Variants in MACROD2 observed in about 807,000 individuals in gnomAD.
The protein encoded by MACROD2 is mono-ADP ribosylhydrolase 2, also known as ADP-ribose glycohydrolase MACROD2.
A neutral mutation model predicts 70.4 loss-of-function variants in MACROD2; 36 were observed. The ratio of observed to expected loss-of-function variants is 0.51; its 90% confidence interval spans 0.39 to 0.68. MACROD2 has a LOEUF of 0.68. MACROD2 is among the 30% of genes least tolerant of loss of function. The pLI, the probability that MACROD2 is intolerant of heterozygous loss-of-function variation, is 0.00. For missense variants in MACROD2, 496 were observed against 538.4 expected, an observed-to-expected ratio of 0.92 and a Z score of 0.78; for synonymous variants, 172 against 178.8, an observed-to-expected ratio of 0.96 and a Z score of 0.30.
intron 5 of MACROD2, among the ~76,000 whole-genome samples, chr20:14,868,408 C>A (rs1391790783): frequency 6.6e-6 from 1 of 151,912 alleles, no homozygotes; most frequent in African/African-American, 2.4e-5. Context: ...TCAAATGATT[C>A]TCTCACCTTG....
chr20:15,761,960 G>A (rs2051442931), intron 8 of MACROD2, among the ~76,000 whole-genome samples: 1 of 152,146 alleles, frequency 6.6e-6, no homozygotes, highest in African/African-American at 2.4e-5. Context: ...TGTGGGACAG[G>A]AATGATGCCC....
chr20:16,028,244 G>T (rs1349103366), intron 15 of MACROD2, among the ~76,000 whole-genome samples: 1 of 152,224 alleles, frequency 6.6e-6, no homozygotes, highest in African/African-American at 2.4e-5. Context: ...TGGTTCATAT[G>T]ACAGTGCTTG....
chr20:14,012,857 A>G (rs185809230), intron 2 of MACROD2, among the ~76,000 whole-genome samples: 1 of 152,200 alleles, frequency 6.6e-6, no homozygotes, highest in African/African-American at 2.4e-5. Flanking sequence ...CGCAATAGCA[A>G]TAGAAGGTGG....
chr20:14,461,418 T>C (rs35912921), intron 3 of MACROD2, among the ~76,000 whole-genome samples: 22,608 of 151,742 alleles, frequency 0.15, 2,367 homozygotes, highest in Non-Finnish European at 0.21. Flanking sequence ...TTTCTTGTCT[T>C]TCTCTCCTTC....
At chr20:14,822,581 A>AT (rs919182607) in intron 5 of MACROD2, among the ~76,000 whole-genome samples, 8 of 152,024 alleles carry the variant, frequency 5.3e-5, no homozygotes, top group Admixed American at 3.9e-4. Flanking sequence ...AACTTTGGCT[A>AT]TTTCCTGGTA....
At chr20:14,666,343 G>A (rs559208031) in intron 4 of MACROD2, among the ~76,000 whole-genome samples, 3 of 152,252 alleles carry the variant, frequency 2.0e-5, no homozygotes, top group African/African-American at 7.2e-5. Flanking sequence ...TTTCTTCAAA[G>A]AGAGCATATT....
chr20:14,791,526 A>AT (rs1296425249), intron 5 of MACROD2, among the ~76,000 whole-genome samples: 8 of 151,888 alleles, frequency 5.3e-5, no homozygotes, highest in East Asian at 1.9e-4. Context: ...GGATATATAT[A>AT]TTTTTTTCTC....
chr20:14,235,002 G>T (rs2122217279), intron 3 of MACROD2, among the ~76,000 whole-genome samples: 1 of 152,034 alleles, frequency 6.6e-6, no homozygotes, highest in East Asian at 1.9e-4. Context: ...TACTCTTCAG[G>T]TTCTTTTTTA....
intron 5 of MACROD2, among the ~76,000 whole-genome samples, chr20:14,741,189 G>A (rs965493703): frequency 1.3e-5 from 2 of 151,980 alleles, no homozygotes; most frequent in Admixed American, 6.6e-5. Flanking sequence ...TATTTTTATC[G>A]ATATTCACAC....
intron 8 of MACROD2, among the ~76,000 whole-genome samples, chr20:15,527,272 C>T (rs2047734796): frequency 6.6e-6 from 1 of 152,146 alleles, no homozygotes; most frequent in Non-Finnish European, 1.5e-5. Flanking sequence ...AGGCTCCTTA[C>T]TCATTTTTTC....
chr20:15,283,560 T>C (rs2077465016), intron 6 of MACROD2, among the ~76,000 whole-genome samples: 1 of 152,028 alleles, frequency 6.6e-6, no homozygotes, highest in Non-Finnish European at 1.5e-5. Flanking sequence ...TAATCCCAGC[T>C]ACTCAAGAGG....
chr20:15,799,690 G>A (rs79835121), intron 8 of MACROD2, among the ~76,000 whole-genome samples: 1,900 of 152,084 alleles, frequency 0.012, 44 homozygotes, highest in African/African-American at 0.044. Flanking sequence ...CCATTCATTC[G>A]TTAATGGACA....
At chr20:15,669,730 A>G (rs572927347) in intron 8 of MACROD2, among the ~76,000 whole-genome samples, 33 of 152,350 alleles carry the variant, frequency 2.2e-4, no homozygotes, top group Admixed American at 1.8e-3. Context: ...TTTATTTGCC[A>G]AAGCCGAGGT....
intron 5 of MACROD2, among the ~76,000 whole-genome samples, chr20:14,967,539 T>C (rs2074649975): frequency 6.6e-6 from 1 of 152,194 alleles, no homozygotes; most frequent in Non-Finnish European, 1.5e-5. Context: ...ATATAGACTG[T>C]GAATATTATT....
At chr20:14,840,238 A>C (rs2073073275) in intron 5 of MACROD2, among the ~76,000 whole-genome samples, 1 of 152,056 alleles carries the variant, frequency 6.6e-6, no homozygotes, top group Non-Finnish European at 1.5e-5. Context: ...GGGTTTCGCC[A>C]TGTTGGCCAG....
intron 5 of MACROD2, among the ~76,000 whole-genome samples, chr20:15,050,574 C>T (rs1252334835): frequency 3.0e-5 from 3 of 99,284 alleles, no homozygotes; most frequent in Non-Finnish European, 1.8e-5. Flanking sequence ...TGGAGTCTTG[C>T]TCCGTTGCCC....
At position 14,953,010 on chromosome 20, in the gene MACROD2, GC is replaced by G. The variant is rs2074487750; in HGVS notation, c.418+268052del. ...AAGAAAAGAGGGAGAAATTGAATAT[GC>G]TTTTTACAAGGAGAAGACACAGTAT... On this transcript the variant is annotated intron_variant, in intron 5 of 17. Coordinates refer to ENST00000684519, the MANE Select transcript of MACROD2 (RefSeq NM_001351661.2). Among the ~76,000 whole-genome samples, 3 of 151,958 alleles carry G rather than the reference GC, an allele frequency of 2.0e-5. No homozygotes were observed. In the South Asian group the frequency reaches 6.2e-4, roughly 32 times the overall value.
chr20:15,366,482 A>T (rs781036397), intron 6 of MACROD2, among the ~76,000 whole-genome samples: 7 of 152,202 alleles, frequency 4.6e-5, no homozygotes, highest in Non-Finnish European at 8.8e-5. Context: ...TCAAAATTCA[A>T]CTGTTGTCCT....
At chr20:15,278,934 A>C (rs181975420) in intron 6 of MACROD2, among the ~76,000 whole-genome samples, 1 of 152,298 alleles carries the variant, frequency 6.6e-6, no homozygotes, top group Non-Finnish European at 1.5e-5. Flanking sequence ...CCTGAATGTG[A>C]AATGGATGCC....
Sources: gnomAD v4.1 joint callset for allele counts (sites outside exome capture counted in the v4.1 genomes callset) on GRCh38, gnomAD v4.1.1 for gene constraint, MANE v1.5 for transcripts, NCBI Gene and HGNC (gene_info 2026-07-23, HGNC 2026-07-21) for gene names.